The following NXPH2 variants were observed in gnomAD, a reference collection of about 807,000 sequenced individuals.
NXPH2 encodes neurexophilin-2.
In NXPH2, 5 loss-of-function variants were observed where a neutral mutation model predicts 19.8. The observed-to-expected ratio is 0.25, with a 90% confidence interval of 0.13 to 0.53. The LOEUF is 0.53. Ranked by LOEUF, NXPH2 falls within the 20% of genes least tolerant of loss-of-function variation. The pLI is 0.96. For synonymous variants in NXPH2, 154 were observed against 127.4 expected (o/e 1.21, Z -1.41); for missense variants, 289 against 322.8 (o/e 0.90, Z 0.80).
At chr2:138,760,944 G>A (rs1682002028) in intron 1 of NXPH2, among the ~76,000 whole-genome samples, 1 of 152,098 alleles carries the variant, frequency 6.6e-6, no homozygotes, top group East Asian at 1.9e-4. Flanking sequence ...GGAAAGGCTT[G>A]AGCTCCCTTG....
intron 1 of NXPH2, among the ~76,000 whole-genome samples, chr2:138,685,966 C>T (rs1041303671): frequency 3.3e-5 from 5 of 152,052 alleles, no homozygotes; most frequent in Non-Finnish European, 4.4e-5. Context: ...TCTTATTCAT[C>T]GTATGTCTCT....
chr2:138,753,993 A>G (rs903369040), intron 1 of NXPH2, among the ~76,000 whole-genome samples: 3 of 151,900 alleles, frequency 2.0e-5, no homozygotes, highest in African/African-American at 7.2e-5. Context: ...AGGTTATTTC[A>G]ATTTTTTTTG....
At chr2:138,688,653 C>T (rs1291239345) in intron 1 of NXPH2, among the ~76,000 whole-genome samples, 14 of 152,152 alleles carry the variant, frequency 9.2e-5, no homozygotes, top group Non-Finnish European at 1.8e-4. Flanking sequence ...AGATGTGTAA[C>T]AACTATTATT....
At chr2:138,749,662 G>A (rs558149804) in intron 1 of NXPH2, among the ~76,000 whole-genome samples, 1 of 152,098 alleles carries the variant, frequency 6.6e-6, no homozygotes, top group African/African-American at 2.4e-5. Context: ...AGGTTTTGAA[G>A]ACAGTTGCAG....
At chr2:138,718,077 A>G (rs1681219804) in intron 1 of NXPH2, among the ~76,000 whole-genome samples, 1 of 152,098 alleles carries the variant, frequency 6.6e-6, no homozygotes. Context: ...CTGACTAAAA[A>G]AAGTTCTAAG....
chr2:138,769,634 A>G (rs1000810716), intron 1 of NXPH2, among the ~76,000 whole-genome samples: 1 of 152,142 alleles, frequency 6.6e-6, no homozygotes, highest in Admixed American at 6.6e-5. Flanking sequence ...TTTTTTCCCC[A>G]TGTGCACCCA....
chr2:138,673,856 T>A (rs1680448581), intron 1 of NXPH2, among the ~76,000 whole-genome samples: 2 of 152,084 alleles, frequency 1.3e-5, no homozygotes, highest in African/African-American at 4.8e-5. Flanking sequence ...CACCCTCAAA[T>A]GCTTCCCAAC....
intron 1 of NXPH2, among the ~76,000 whole-genome samples, chr2:138,715,100 T>C (rs924339736): frequency 1.3e-5 from 2 of 152,202 alleles, no homozygotes; most frequent in Non-Finnish European, 2.9e-5. Flanking sequence ...CCGAGCATGC[T>C]AAAAAGAATT....
chr2:138,763,388 C>T (rs1439067116), intron 1 of NXPH2, among the ~76,000 whole-genome samples: 1 of 151,954 alleles, frequency 6.6e-6, no homozygotes, highest in Non-Finnish European at 1.5e-5. Flanking sequence ...ATTAATTATT[C>T]CTCTAATTAT....
intron 1 of NXPH2, among the ~76,000 whole-genome samples, chr2:138,716,169 A>AT (rs1397134705): frequency 6.6e-6 from 1 of 152,270 alleles, no homozygotes; most frequent in Non-Finnish European, 1.5e-5. Context: ...ACCGAACTCC[A>AT]TTTTTTTAAA....
intron 1 of NXPH2, among the ~76,000 whole-genome samples, chr2:138,726,656 G>A (rs1358654601): frequency 6.6e-6 from 1 of 151,878 alleles, no homozygotes; most frequent in African/African-American, 2.4e-5. Context: ...GCAGTTTTGA[G>A]TTTACAGCAA....
chr2:138,759,040 A>G lies in NXPH2; in HGVS notation c.51+21151T>C, dbSNP rs932020192. On this transcript the variant is annotated intron_variant, in intron 1 of 1. Transcript: ENST00000272641. The stretch of plus-strand genomic sequence containing the variant: ...GGGAGTAATAGATTGACATTTGAAC[A>G]CTCTTTTTAACTTCTTTTGAACTTC... Among the ~76,000 whole-genome samples the G allele has an allele frequency of 8.4e-4, 127 of 151,674 alleles. 1 individual carries two copies. The highest frequency in any genetic ancestry group is 3.0e-3 in the African/African-American group (123 of 41,338).
intron 1 of NXPH2, among the ~76,000 whole-genome samples, chr2:138,733,029 T>C (rs1327200110): frequency 3.3e-5 from 5 of 152,236 alleles, no homozygotes; most frequent in Non-Finnish European, 5.9e-5. Context: ...TTGTTCTGTT[T>C]GACATGCACA....
At chr2:138,706,628 A>C (rs1681018068) in intron 1 of NXPH2, among the ~76,000 whole-genome samples, 1 of 152,184 alleles carries the variant, frequency 6.6e-6, no homozygotes, top group Non-Finnish European at 1.5e-5. Flanking sequence ...TATGAAAATT[A>C]AGGCCAGGTG....
chr2:138,723,545 T>A (rs559482350), intron 1 of NXPH2, among the ~76,000 whole-genome samples: 1 of 152,172 alleles, frequency 6.6e-6, no homozygotes, highest in Non-Finnish European at 1.5e-5. Context: ...CCAAGTTCTA[T>A]CTCCATGTGG....
At chr2:138,734,330 G>A (rs974597701) in intron 1 of NXPH2, among the ~76,000 whole-genome samples, 1 of 152,176 alleles carries the variant, frequency 6.6e-6, no homozygotes, top group African/African-American at 2.4e-5. Context: ...ATTTACATTG[G>A]AGATATTCAA....
At chr2:138,705,387 A>G (rs1338939684) in intron 1 of NXPH2, among the ~76,000 whole-genome samples, 1 of 152,180 alleles carries the variant, frequency 6.6e-6, no homozygotes, top group Non-Finnish European at 1.5e-5. Context: ...ACAATAAATA[A>G]TCATTCTTTT....
chr2:138,743,947 G>T (rs909746138), intron 1 of NXPH2, among the ~76,000 whole-genome samples: 8 of 141,272 alleles, frequency 5.7e-5, no homozygotes, highest in African/African-American at 2.1e-4. Context: ...AGGTTGCAGT[G>T]AGCCGAGATT....
intron 1 of NXPH2, among the ~76,000 whole-genome samples, chr2:138,739,647 G>A (rs1245006300): frequency 6.6e-6 from 1 of 152,130 alleles, no homozygotes; most frequent in South Asian, 2.1e-4. Flanking sequence ...GGTTGAGGAC[G>A]TTTGACTTTC....
Sources: gnomAD v4.1 joint callset for allele counts (sites outside exome capture counted in the v4.1 genomes callset) on GRCh38, gnomAD v4.1.1 for gene constraint, MANE v1.5 for transcripts, NCBI Gene and HGNC (gene_info 2026-07-23, HGNC 2026-07-21) for gene names.